SGCZ: variants seen among roughly 807,000 people sequenced by gnomAD.
The protein encoded by SGCZ is sarcoglycan zeta.
A neutral mutation model predicts 41.3 loss-of-function variants in SGCZ; 40 were observed. That is an observed-to-expected ratio of 0.97 (90% CI 0.75 to 1.26). SGCZ has a LOEUF of 1.26. Ranked by LOEUF, SGCZ falls within the 50% of genes most tolerant of loss-of-function variation. SGCZ has a pLI of 0.00. For synonymous variants in SGCZ, 206 were observed against 137.5 expected, an observed-to-expected ratio of 1.50 and a Z score of -3.49; for missense variants, 552 against 369.8, an observed-to-expected ratio of 1.49 and a Z score of -4.04.
intron 1 of SGCZ, among the ~76,000 whole-genome samples, chr8:14,586,968 A>G (rs2117273805): frequency 6.6e-6 from 1 of 152,194 alleles, no homozygotes; most frequent in Middle Eastern, 3.4e-3. Flanking sequence ...CAAATTCACT[A>G]AAATATACTC....
intron 1 of SGCZ, among the ~76,000 whole-genome samples, chr8:14,602,410 G>A (rs1163311011): frequency 1.3e-5 from 2 of 152,092 alleles, no homozygotes; most frequent in Admixed American, 1.3e-4. Context: ...TAATTGGGAG[G>A]CCGAGGTGGG....
At chr8:14,557,859 C>T (rs1206301136) in intron 1 of SGCZ, among the ~76,000 whole-genome samples, 1 of 151,924 alleles carries the variant, frequency 6.6e-6, no homozygotes, top group Non-Finnish European at 1.5e-5. Flanking sequence ...AAAAATACAA[C>T]AGATAAATGA....
chr8:15,086,500 T>C (rs1316553527), intron 1 of SGCZ, among the ~76,000 whole-genome samples: 2 of 152,198 alleles, frequency 1.3e-5, no homozygotes, highest in East Asian at 1.9e-4. Flanking sequence ...AGTTTAATCA[T>C]ATTAATCCTT....
At chr8:14,690,830 C>T (rs1300783812) in intron 1 of SGCZ, among the ~76,000 whole-genome samples, 11 of 152,092 alleles carry the variant, frequency 7.2e-5, no homozygotes, top group Non-Finnish European at 1.6e-4. Flanking sequence ...AAAAGTCACT[C>T]TTACTGAATT....
intron 2 of SGCZ, among the ~76,000 whole-genome samples, chr8:14,329,397 G>T (rs1802236360): frequency 4.0e-5 from 6 of 151,828 alleles, no homozygotes; most frequent in Admixed American, 3.9e-4. Flanking sequence ...TTTACTTGTG[G>T]GTTATTGAAA....
chr8:14,618,823 C>T (rs960103551), intron 1 of SGCZ, among the ~76,000 whole-genome samples: 2 of 152,032 alleles, frequency 1.3e-5, no homozygotes, highest in Admixed American at 6.6e-5. Context: ...CATTCCTTAA[C>T]AATTCCGATG....
intron 2 of SGCZ, among the ~76,000 whole-genome samples, chr8:14,444,102 C>T (rs1800356755): frequency 6.6e-6 from 1 of 152,062 alleles, no homozygotes; most frequent in Admixed American, 6.6e-5. Context: ...CAAATCAAAA[C>T]CACAATGAGA....
At chr8:14,658,132 G>A (rs943476441) in intron 1 of SGCZ, among the ~76,000 whole-genome samples, 1 of 152,094 alleles carries the variant, frequency 6.6e-6, no homozygotes, top group African/African-American at 2.4e-5. Context: ...CTTGCCCCAC[G>A]CTCCTCCTCT....
chr8:14,739,718 T>G (rs1799144132), intron 1 of SGCZ, among the ~76,000 whole-genome samples: 2 of 152,174 alleles, frequency 1.3e-5, no homozygotes, highest in South Asian at 4.1e-4. Context: ...TTATATTATT[T>G]ACAATTAATC....
In SGCZ at chr8:14,485,833, A is replaced by ATTTTTTTTTTTTTTTT. The variant is rs71209049; in HGVS notation, c.234+68883_234+68898dup. Among the ~76,000 whole-genome samples, 130 of 103,360 alleles carry ATTTTTTTTTTTTTTTT rather than the reference A, an allele frequency of 1.3e-3. 8 individuals are homozygous for ATTTTTTTTTTTTTTTT. The highest frequency in any genetic ancestry group is 6.0e-3 in the East Asian group (20 of 3,352). 67.8% of individuals were successfully genotyped at this position (103,360 alleles called of 152,430 possible). A position where few individuals can be genotyped will look rare whatever the true frequency, so the allele number is the denominator to read the frequency against. ...ACTACTTTATATTTTCTCTAGAACA[A>ATTTTTTTTTTTTTTTT]TTTTTTTTTTTTTTTTTTTGAGACG... On this transcript the variant is annotated intron_variant, in intron 2 of 7. Coordinates refer to ENST00000382080, the MANE Select transcript of SGCZ (RefSeq NM_139167.4).
chr8:15,025,590 C>T (rs1430644885), intron 1 of SGCZ, among the ~76,000 whole-genome samples: 2 of 152,154 alleles, frequency 1.3e-5, no homozygotes, highest in Non-Finnish European at 2.9e-5. Context: ...TGAAGTGTCA[C>T]CAGTGATTTG....
intron 1 of SGCZ, among the ~76,000 whole-genome samples, chr8:15,190,230 T>C (rs917741534): frequency 6.6e-6 from 1 of 152,194 alleles, no homozygotes; most frequent in Non-Finnish European, 1.5e-5. Flanking sequence ...AAGCTTGTTA[T>C]ACCTTTAAGT....
intron 1 of SGCZ, among the ~76,000 whole-genome samples, chr8:15,054,414 G>T (rs1804629068): frequency 6.6e-6 from 1 of 152,032 alleles, no homozygotes; most frequent in African/African-American, 2.4e-5. Flanking sequence ...AGATCCTGGT[G>T]TCACCCCCAC....
chr8:14,903,401 T>C (rs919371117), intron 1 of SGCZ, among the ~76,000 whole-genome samples: 2 of 152,138 alleles, frequency 1.3e-5, no homozygotes, highest in Admixed American at 6.6e-5. Context: ...ATGAATAATA[T>C]ACTGGCTTAG....
intron 1 of SGCZ, among the ~76,000 whole-genome samples, chr8:15,209,725 T>G (rs969520035): frequency 6.6e-6 from 1 of 152,012 alleles, no homozygotes; most frequent in Non-Finnish European, 1.5e-5. Flanking sequence ...GTTTGTCTTA[T>G]CGTTGACCAC....
At chr8:14,486,808 A>C (rs1801688652) in intron 2 of SGCZ, among the ~76,000 whole-genome samples, 1 of 152,226 alleles carries the variant, frequency 6.6e-6, no homozygotes, top group African/African-American at 2.4e-5. Context: ...GGCATGAGCC[A>C]CCACACTTGG....
At chr8:14,418,421 A>T (rs1799554090) in intron 2 of SGCZ, among the ~76,000 whole-genome samples, 1 of 151,976 alleles carries the variant, frequency 6.6e-6, no homozygotes, top group Non-Finnish European at 1.5e-5. Context: ...AGTTTGTGAG[A>T]GAAACGGACT....
intron 1 of SGCZ, among the ~76,000 whole-genome samples, chr8:14,994,581 C>T (rs1802147572): frequency 7.0e-6 from 1 of 142,588 alleles, no homozygotes; most frequent in African/African-American, 2.8e-5. Context: ...CAAAACTGTG[C>T]ATCCAAAAAA....
intron 1 of SGCZ, among the ~76,000 whole-genome samples, chr8:14,855,949 A>G (rs144994428): frequency 6.6e-6 from 1 of 152,338 alleles, no homozygotes; most frequent in African/African-American, 2.4e-5. Flanking sequence ...ATTTTGCAAG[A>G]CATTTTCCAG....
Sources: allele counts gnomAD v4.1 joint callset (sites outside exome capture counted in the v4.1 genomes callset), GRCh38; gene constraint gnomAD v4.1.1; transcripts MANE v1.5; gene names NCBI Gene and HGNC (gene_info 2026-07-23, HGNC 2026-07-21).